ZMAT4: variants seen among roughly 807,000 people sequenced by gnomAD.
The protein encoded by ZMAT4 is zinc finger matrin-type 4, also known as zinc finger matrin-type protein 4.
ZMAT4 carries 17 observed loss-of-function variants against 28.7 expected under a neutral mutation model. That is an observed-to-expected ratio of 0.59 (90% CI 0.41 to 0.89). The LOEUF is 0.89. Ranked by LOEUF, ZMAT4 falls within the 40% of genes least tolerant of loss-of-function variation. The pLI, the probability that ZMAT4 is intolerant of heterozygous loss-of-function variation, is 0.00. For synonymous variants in ZMAT4, 117 were observed against 109.2 expected, an observed-to-expected ratio of 1.07 and a Z score of -0.44; for missense variants, 240 against 283.8, an observed-to-expected ratio of 0.85 and a Z score of 1.11.
chr8:40,729,602 T>C (rs1334209246), intron 3 of ZMAT4, among the ~76,000 whole-genome samples: 33 of 93,492 alleles, frequency 3.5e-4, no homozygotes, highest in Admixed American at 9.0e-4. Flanking sequence ...TCTTTCTTTT[T>C]TTTTTTTTTT....
At chr8:40,758,297 A>C (rs1207849828) in intron 3 of ZMAT4, among the ~76,000 whole-genome samples, 1 of 152,190 alleles carries the variant, frequency 6.6e-6, no homozygotes, top group African/African-American at 2.4e-5. Flanking sequence ...TCTTCTTGTC[A>C]TGAAGCCAGT....
intron 5 of ZMAT4, among the ~76,000 whole-genome samples, chr8:40,663,335 C>G (rs1249337272): frequency 6.6e-6 from 1 of 152,092 alleles, no homozygotes; most frequent in Non-Finnish European, 1.5e-5. Context: ...TTGGAGGGCT[C>G]CCAAGCTTTT....
intron 6 of ZMAT4, among the ~76,000 whole-genome samples, chr8:40,561,849 T>C (rs1803752601): frequency 6.6e-6 from 1 of 152,196 alleles, no homozygotes; most frequent in Non-Finnish European, 1.5e-5. Context: ...ATTTTTCTTC[T>C]TCCAATATGG....
chr8:40,826,341 C>G (rs2061410863), intron 1 of ZMAT4, among the ~76,000 whole-genome samples: 1 of 151,990 alleles, frequency 6.6e-6, no homozygotes, highest in African/African-American at 2.4e-5. Flanking sequence ...GTACATATAG[C>G]ATTATACAAA....
At chr8:40,542,812 T>C (rs1803083022) in intron 6 of ZMAT4, among the ~76,000 whole-genome samples, 1 of 152,208 alleles carries the variant, frequency 6.6e-6, no homozygotes, top group Non-Finnish European at 1.5e-5. Context: ...ATCAACACAA[T>C]GGATTTATCA....
At chr8:40,793,026 A>G (rs564514503) in intron 2 of ZMAT4, among the ~76,000 whole-genome samples, 2 of 152,030 alleles carry the variant, frequency 1.3e-5, no homozygotes, top group Admixed American at 6.5e-5. Context: ...TGGTGGATAC[A>G]TATTATGTAC....
In ZMAT4 at chr8:40,572,618, G is replaced by A. The variant is rs192623865; in HGVS notation, c.674+8547C>T. 2.3e-3 allele frequency among the ~76,000 whole-genome samples: 345 copies of A among 152,166 alleles called. 1 individual carries two copies. The highest frequency in any genetic ancestry group is 6.8e-3 in the African/African-American group (284 of 41,540). On this transcript the variant is annotated intron_variant, in intron 6 of 6. Transcript: ENST00000297737. Reference sequence around the variant, plus strand: ...AATCTATGGTACATACTCACAGTGCGTTTACATTTTATTTTAATCATTTGT... The same window carrying A: ...AATCTATGGTACATACTCACAGTGCATTTACATTTTATTTTAATCATTTGT...
chr8:40,669,236 G>A (rs1308764950), intron 5 of ZMAT4, among the ~76,000 whole-genome samples: 3 of 152,104 alleles, frequency 2.0e-5, no homozygotes, highest in African/African-American at 4.8e-5. Flanking sequence ...AAAACAAGTC[G>A]ATGTTAGACA....
At chr8:40,548,016 C>A (rs969809572) in intron 6 of ZMAT4, among the ~76,000 whole-genome samples, 2 of 152,086 alleles carry the variant, frequency 1.3e-5, no homozygotes, top group African/African-American at 4.8e-5. Flanking sequence ...GAAGAGCTGG[C>A]AGAAGGACTA....
chr8:40,755,886 G>T (rs1333304704), intron 3 of ZMAT4, among the ~76,000 whole-genome samples: 1 of 152,128 alleles, frequency 6.6e-6, no homozygotes, highest in African/African-American at 2.4e-5. Flanking sequence ...TTGGCCAGTG[G>T]TTATTTTCTG....
intron 4 of ZMAT4, among the ~76,000 whole-genome samples, chr8:40,688,348 C>T (rs759764858): frequency 2.6e-5 from 4 of 151,892 alleles, no homozygotes; most frequent in Non-Finnish European, 4.4e-5. Flanking sequence ...CCCAGCTGCT[C>T]GGGAGGCTGA....
intron 6 of ZMAT4, among the ~76,000 whole-genome samples, chr8:40,576,714 G>A (rs1804278275): frequency 6.6e-6 from 1 of 152,154 alleles, no homozygotes; most frequent in South Asian, 2.1e-4. Flanking sequence ...ATAAAAATAT[G>A]TGAAAGTATC....
At chr8:40,617,177 AC>A (rs1375496786) in intron 5 of ZMAT4, among the ~76,000 whole-genome samples, 1 of 152,186 alleles carries the variant, frequency 6.6e-6, no homozygotes, top group Non-Finnish European at 1.5e-5. Context: ...TATATTGTTA[AC>A]AAAAAGTGTA....
intron 6 of ZMAT4, among the ~76,000 whole-genome samples, chr8:40,560,696 G>C (rs561303167): frequency 7.2e-5 from 11 of 152,134 alleles, no homozygotes; most frequent in Non-Finnish European, 1.5e-4. Flanking sequence ...AAAAACACTT[G>C]CCTGACACAC....
At position 40,665,923 on chromosome 8, in the gene ZMAT4, A is replaced by G. The variant is rs112722470; in HGVS notation, c.577+8781T>C. ...GCACAGCTCAGCTTACGGTTCTTGG[A>G]AACATTATTAAATTTTTTAATGAAT... On this transcript the variant is annotated intron_variant, in intron 5 of 6. Coordinates refer to ENST00000297737, the MANE Select transcript of ZMAT4 (RefSeq NM_024645.3). 3.3e-4 allele frequency among the ~76,000 whole-genome samples: 50 copies of G among 152,298 alleles called. 1 individual carries two copies. The highest frequency in any genetic ancestry group is 1.1e-3 in the African/African-American group (46 of 41,568).
intron 2 of ZMAT4, among the ~76,000 whole-genome samples, chr8:40,811,909 T>C (rs1212992306): frequency 6.6e-6 from 1 of 152,116 alleles, no homozygotes; most frequent in Non-Finnish European, 1.5e-5. Context: ...GCTGGGCAGA[T>C]CACCTGAGGT....
At chr8:40,810,242 A>G (rs766886279) in intron 2 of ZMAT4, among the ~76,000 whole-genome samples, 11 of 152,214 alleles carry the variant, frequency 7.2e-5, no homozygotes, top group Non-Finnish European at 1.6e-4. Context: ...GACTTCTTCA[A>G]GTATTCACAT....
At chr8:40,625,058 A>G (rs1347904267) in intron 5 of ZMAT4, among the ~76,000 whole-genome samples, 1 of 152,200 alleles carries the variant, frequency 6.6e-6, no homozygotes, top group Non-Finnish European at 1.5e-5. Flanking sequence ...AAAAAGCGAC[A>G]TTTGAGTTGC....
At chr8:40,670,937 CT>C (rs1808640938) in intron 5 of ZMAT4, among the ~76,000 whole-genome samples, 1 of 151,712 alleles carries the variant, frequency 6.6e-6, no homozygotes, top group Non-Finnish European at 1.5e-5. Flanking sequence ...CGTGGTGGCA[CT>C]GCACCTGTAG....
Sources: gnomAD v4.1 joint callset for allele counts (sites outside exome capture counted in the v4.1 genomes callset) on GRCh38, gnomAD v4.1.1 for gene constraint, MANE v1.5 for transcripts, NCBI Gene and HGNC (gene_info 2026-07-23, HGNC 2026-07-21) for gene names.